PARD3: variants seen among roughly 807,000 people sequenced by gnomAD.
PARD3 encodes the protein partitioning defective 3 homolog.
A neutral mutation model predicts 155.4 loss-of-function variants in PARD3; 75 were observed. The observed-to-expected ratio is 0.48, with a 90% CI of 0.40 to 0.58. PARD3 has a LOEUF of 0.58. PARD3 is among the 20% of genes least tolerant of loss of function. The probability of loss-of-function intolerance (pLI) is 0.00; values close to 1 mark genes in which losing one functional copy is unlikely to be tolerated. For synonymous variants in PARD3, 576 were observed against 610.5 expected, an observed-to-expected ratio of 0.94 and a Z score of 0.83; for missense variants, 1,642 against 1,721.7, an observed-to-expected ratio of 0.95 and a Z score of 0.82.
chr10:34,427,060 A>G (rs768685665), intron 5 of PARD3, among the ~76,000 whole-genome samples: 7 of 152,172 alleles, frequency 4.6e-5, no homozygotes, highest in Non-Finnish European at 8.8e-5. Flanking sequence ...CTGAGGATGT[A>G]TGTCGCCTCA....
chr10:34,345,376 T>C lies in PARD3; in HGVS notation c.2218+2589A>G, dbSNP rs1837302554. ...GTCCTACATAGGGGATTACTCCATA[T>C]GAAAATTCAACCTGTTAACATAAAA... On this transcript the variant is annotated intron_variant, in intron 15 of 24. Transcript: ENST00000374788. 1.3e-5 allele frequency: 13 copies of C among 985,300 alleles called. No homozygotes were observed. The South Asian group carries it at 5.6e-4, about 43-fold the overall frequency. The allele number at this position is 985,300 out of a possible 1,614,324, so 61.0% of individuals were successfully genotyped here.
rs1224714215 is a variant in PARD3 at position 34,232,810 on chromosome 10, C to G, written c.3419+36847G>C. ...TGAACTGCTAGGCTCATGCAATTCT[C>G]CCATCTCAGCCCCACAAGTAGCTAG... On this transcript the variant is annotated intron_variant, in intron 22 of 24. Transcript: ENST00000374788. Among the ~76,000 whole-genome samples, 3 of 152,052 alleles carry G rather than the reference C, an allele frequency of 2.0e-5. No homozygotes were observed. The East Asian group carries it at 5.8e-4, about 29-fold the overall frequency.
At chr10:34,564,818 T>C (rs1324305) in intron 2 of PARD3, among the ~76,000 whole-genome samples, 72,406 of 152,086 alleles carry the variant, frequency 0.48, 18,084 homozygotes, top group African/African-American at 0.65. Context: ...CTGTCTACAA[T>C]TGCAAGCCAT....
rs747425681 is a variant in PARD3 at position 34,336,210 on chromosome 10, T to C, written c.2594A>G (p.Asp865Gly). The change falls in exon 18 of 25, where the codon GAC (aspartate) becomes GGC (glycine). Residue 865 changes from aspartate to glycine, a missense_variant. Physicochemically the swap from Asp to Gly is moderately conservative, Grantham distance 94. This residue lies in a region of PARD3 where 1,529 missense variants were observed against 1,587.3 expected (regional missense o/e 0.96). Coordinates refer to ENST00000374788, the MANE Select transcript of PARD3 (RefSeq NM_001184785.2). Reference protein sequence around the residue: ...ADETKLNTVDDQKAGSPSRDV... With the variant: ...ADETKLNTVDGQKAGSPSRDV... ...CTGTCCATTCTTACCTGCTTTCTGGTCATCCACTGTATTGAGTTTAGTCTC... is the reference window on the plus strand; with the variant it reads ...CTGTCCATTCTTACCTGCTTTCTGGCCATCCACTGTATTGAGTTTAGTCTC... 1.2e-6 allele frequency: 2 copies of C among 1,612,384 alleles called. No individual in the cohort carries two copies. Among genetic ancestry groups the C allele is most frequent in the Non-Finnish European group, 1.7e-6 (2 of 1,178,604 alleles).
At chr10:34,599,942 C>G (rs994755064) in intron 2 of PARD3, among the ~76,000 whole-genome samples, 1 of 152,086 alleles carries the variant, frequency 6.6e-6, no homozygotes, top group Admixed American at 6.6e-5. Flanking sequence ...CAAACTGGAA[C>G]CTTTCCTCTA....
At chr10:34,208,012 C>T (rs913784466) in intron 22 of PARD3, among the ~76,000 whole-genome samples, 3 of 152,226 alleles carry the variant, frequency 2.0e-5, no homozygotes, top group Non-Finnish European at 4.4e-5. Context: ...GCAAAGAACA[C>T]ACCTTTTTAT....
intron 2 of PARD3, among the ~76,000 whole-genome samples, chr10:34,543,458 C>T (rs567457061): frequency 6.6e-6 from 1 of 152,286 alleles, no homozygotes; most frequent in African/African-American, 2.4e-5. Context: ...ACCATGCATA[C>T]TTCAATAAAC....
intron 22 of PARD3, among the ~76,000 whole-genome samples, chr10:34,203,022 T>C (rs1748674939): frequency 6.6e-6 from 1 of 152,070 alleles, no homozygotes; most frequent in African/African-American, 2.4e-5. Flanking sequence ...ATGGGCACAG[T>C]TACCTTTTGC....
At chr10:34,370,711 C>G (rs1340357442) in intron 12 of PARD3, among the ~76,000 whole-genome samples, 1 of 151,978 alleles carries the variant, frequency 6.6e-6, no homozygotes. Flanking sequence ...TTATCCTAAA[C>G]CATAAAGGAA....
chr10:34,551,901 A>G (rs2084607144), intron 2 of PARD3, among the ~76,000 whole-genome samples: 1 of 152,218 alleles, frequency 6.6e-6, no homozygotes, highest in Admixed American at 6.5e-5. Context: ...AAAATCTCAT[A>G]GACTGGAGTA....
intron 2 of PARD3, among the ~76,000 whole-genome samples, chr10:34,622,450 A>G (rs2091735915): frequency 6.6e-6 from 1 of 152,230 alleles, no homozygotes; most frequent in Admixed American, 6.5e-5. Context: ...TAGAACTTTC[A>G]TCTAAAAAGC....
chr10:34,450,328 T>G lies in PARD3; in HGVS notation c.703A>C (p.Lys235Gln). 1 of 1,613,452 alleles carries G rather than the reference T, an allele frequency of 6.2e-7. No homozygotes were observed. Among genetic ancestry groups the G allele is most frequent in the Non-Finnish European group, 8.5e-7 (1 of 1,179,826 alleles). ...ATTTGTCATGTTACCTGTTCTTGTT[T>G]CTCCAGCCACTTGCCCACCATTGGG... ...SHPMVGKWLE[K>Q]QEQDEDGTEE... Residue 235 changes from lysine (K) to glutamine (Q), a missense_variant, in exon 5 of 25, where the codon AAA becomes CAA. Coordinates refer to ENST00000374788, the MANE Select transcript of PARD3 (RefSeq NM_001184785.2).
chr10:34,512,742 G>A (rs1380911017), intron 3 of PARD3, among the ~76,000 whole-genome samples: 2 of 152,034 alleles, frequency 1.3e-5, no homozygotes, highest in Non-Finnish European at 2.9e-5. Context: ...CTAAACTGAG[G>A]ACTATCCATT....
chr10:34,480,887 C>T (rs765481329), intron 3 of PARD3, among the ~76,000 whole-genome samples: 14 of 150,770 alleles, frequency 9.3e-5, no homozygotes, highest in South Asian at 8.4e-4. Context: ...CTGCAACCTC[C>T]GCTTCTCAGG....
At chr10:34,756,150 C>CTTT (rs58993670) in intron 1 of PARD3, among the ~76,000 whole-genome samples, 2,475 of 94,514 alleles carry the variant, frequency 0.026, 131 homozygotes, top group African/African-American at 0.045. Context: ...AAAAATGCAC[C>CTTT]TTTTTTTTTT....
At chr10:34,320,545 G>A (rs1012966381) in intron 19 of PARD3, among the ~76,000 whole-genome samples, 4 of 152,180 alleles carry the variant, frequency 2.6e-5, no homozygotes, top group Non-Finnish European at 4.4e-5. Context: ...AGGGGCATAT[G>A]TCGGCTCTTG....
At chr10:34,450,253 C>T in intron 5 of PARD3, 64 bp downstream of exon 5, 3 of 1,450,736 alleles carry the variant, frequency 2.1e-6, no homozygotes, top group African/African-American at 2.9e-5. Flanking sequence ...ATGGGAGAAA[C>T]ATCTTTGGGG....
chr10:34,197,518 G>A (rs1951004037), intron 22 of PARD3, among the ~76,000 whole-genome samples: 2 of 152,170 alleles, frequency 1.3e-5, no homozygotes, highest in African/African-American at 4.8e-5. Context: ...CAACAATGTA[G>A]ACATCATTAA....
intron 22 of PARD3, among the ~76,000 whole-genome samples, chr10:34,153,615 C>G (rs1007908667): frequency 6.6e-6 from 1 of 152,172 alleles, no homozygotes; most frequent in African/African-American, 2.4e-5. Flanking sequence ...CTCCATTGTC[C>G]ACACTGTATC....
Sources: gnomAD v4.1 joint callset for allele counts (sites outside exome capture counted in the v4.1 genomes callset) on GRCh38, gnomAD v4.1.1 for gene constraint, gnomAD v4.1.1 regional missense constraint, MANE v1.5 for transcripts, NCBI Gene and HGNC (gene_info 2026-07-23, HGNC 2026-07-21) for gene names.